The following PTPRD variants were observed in gnomAD, a reference collection of about 807,000 sequenced individuals.
PTPRD encodes protein tyrosine phosphatase receptor type D.
In PTPRD, 34 loss-of-function variants were observed where a neutral mutation model predicts 214.5. The observed-to-expected ratio is 0.16, with a 90% CI of 0.12 to 0.21. PTPRD has a LOEUF of 0.21. Among genes scored for constraint, PTPRD ranks in the 10% least tolerant of loss-of-function variants. The pLI, the probability that PTPRD is intolerant of heterozygous loss-of-function variation, is 1.00. For missense variants in PTPRD, 2,545 were observed against 2,398.7 expected, an observed-to-expected ratio of 1.06 and a Z score of -1.27; for synonymous variants, 1,128 against 845.7, an observed-to-expected ratio of 1.33 and a Z score of -5.79.
chr9:10,516,983 A>G (rs1723168778), intron 2 of PTPRD, among the ~76,000 whole-genome samples: 1 of 151,852 alleles, frequency 6.6e-6, no homozygotes, highest in Non-Finnish European at 1.5e-5. Context: ...GCTTTGTCAT[A>G]TATTTTGAAA....
intron 4 of PTPRD, among the ~76,000 whole-genome samples, chr9:10,028,355 G>C (rs1368394545): frequency 6.6e-6 from 1 of 152,166 alleles, no homozygotes; most frequent in Non-Finnish European, 1.5e-5. Flanking sequence ...ATTGGTACCA[G>C]TAGAGTGGAG....
chr9:8,544,359 G>A (rs1463913297), intron 14 of PTPRD, among the ~76,000 whole-genome samples: 1 of 151,522 alleles, frequency 6.6e-6, no homozygotes, highest in Non-Finnish European at 1.5e-5. Context: ...TGGGATTACA[G>A]GCATGAGCCA....
rs551475490 is a variant in PTPRD at position 8,993,096 on chromosome 9, G to C, written c.-104+25601C>G. ...ATAATCTTATCTCAGAAATCAATCAGAGGAAGAATAATTATGTTTTATGTC... is the reference window on the plus strand; with the variant it reads ...ATAATCTTATCTCAGAAATCAATCACAGGAAGAATAATTATGTTTTATGTC... On this transcript the variant is annotated intron_variant, in intron 11 of 45. Transcript: ENST00000381196. Among the ~76,000 whole-genome samples, 103 of 152,260 alleles carry C rather than the reference G, an allele frequency of 6.8e-4. 1 individual carries two copies. Among genetic ancestry groups the C allele is most frequent in the African/African-American group, 2.5e-3 (102 of 41,562 alleles).
At chr9:9,181,410 A>G (rs2099928121) in intron 10 of PTPRD, among the ~76,000 whole-genome samples, 1 of 151,894 alleles carries the variant, frequency 6.6e-6, no homozygotes, top group Non-Finnish European at 1.5e-5. Flanking sequence ...CTGCTAAAAT[A>G]TGCTGCCTGT....
chr9:8,404,282 C>T (rs895375395), intron 36 of PTPRD, among the ~76,000 whole-genome samples: 10 of 152,210 alleles, frequency 6.6e-5, no homozygotes, highest in African/African-American at 2.4e-4. Flanking sequence ...GCGCCCACCA[C>T]CATGCCCGGC....
intron 11 of PTPRD, among the ~76,000 whole-genome samples, chr9:8,746,203 G>A (rs1273084765): frequency 6.6e-6 from 1 of 152,030 alleles, no homozygotes; most frequent in Non-Finnish European, 1.5e-5. Context: ...TATACAGTCT[G>A]GTTATCTCAG....
At chr9:9,274,716 T>A (rs903384302) in intron 9 of PTPRD, among the ~76,000 whole-genome samples, 1 of 151,254 alleles carries the variant, frequency 6.6e-6, no homozygotes, top group African/African-American at 2.4e-5. Flanking sequence ...GTAGAATAAT[T>A]GGTGTCTTAA....
intron 35 of PTPRD, among the ~76,000 whole-genome samples, chr9:8,423,031 G>T (rs552644998): frequency 1.3e-5 from 2 of 152,190 alleles, no homozygotes; most frequent in Non-Finnish European, 2.9e-5. Flanking sequence ...ACCTAAGCCT[G>T]CAGGGATGGG....
intron 5 of PTPRD, among the ~76,000 whole-genome samples, chr9:9,894,368 G>A (rs547340037): frequency 6.6e-6 from 1 of 152,154 alleles, no homozygotes; most frequent in Admixed American, 6.6e-5. Context: ...AAGGCCCTGT[G>A]TGATCTTTCT....
chr9:10,107,476 G>A (rs955072704), intron 3 of PTPRD, among the ~76,000 whole-genome samples: 7 of 151,982 alleles, frequency 4.6e-5, no homozygotes, highest in African/African-American at 7.2e-5. Context: ...AGAGTTTATT[G>A]ATTAACTTTG....
chr9:8,923,042 T>G (rs988811043), intron 11 of PTPRD, among the ~76,000 whole-genome samples: 2 of 13,756 alleles, frequency 1.5e-4, no homozygotes, highest in African/African-American at 1.1e-3. Flanking sequence ...TTTGTCTGTC[T>G]TTTTTTTTGT....
intron 11 of PTPRD, among the ~76,000 whole-genome samples, chr9:8,852,745 C>A (rs2097844904): frequency 6.6e-6 from 1 of 152,126 alleles, no homozygotes; most frequent in Non-Finnish European, 1.5e-5. Flanking sequence ...GTTAAAAAGC[C>A]ATCAAAAAGC....
intron 39 of PTPRD, among the ~76,000 whole-genome samples, chr9:8,353,209 T>A (rs12343245): frequency 0.017 from 2,652 of 152,304 alleles, 87 homozygotes; most frequent in African/African-American, 0.06. Context: ...TGTTTCATTT[T>A]GTCCTTTTGT....
intron 9 of PTPRD, among the ~76,000 whole-genome samples, chr9:9,292,260 T>C (rs1281616240): frequency 6.6e-6 from 1 of 151,320 alleles, no homozygotes; most frequent in African/African-American, 2.4e-5. Context: ...GAAGCATAAC[T>C]GGTTCTTTAT....
chr9:9,950,088 T>A (rs186875660), intron 4 of PTPRD, among the ~76,000 whole-genome samples: 92 of 152,280 alleles, frequency 6.0e-4, no homozygotes, highest in Non-Finnish European at 9.3e-4. Flanking sequence ...ATTTCCTGTA[T>A]CACGTCAGGT....
intron 10 of PTPRD, among the ~76,000 whole-genome samples, chr9:9,113,698 T>A (rs1014843834): frequency 2.6e-5 from 4 of 152,142 alleles, no homozygotes; most frequent in African/African-American, 9.7e-5. Context: ...GGGTAACATG[T>A]AGGATGATGC....
At chr9:9,066,247 A>C (rs983861832) in intron 10 of PTPRD, among the ~76,000 whole-genome samples, 2 of 142,582 alleles carry the variant, frequency 1.4e-5, no homozygotes, top group Non-Finnish European at 3.1e-5. Flanking sequence ...GATCGGTGTT[A>C]CTTCTTATGT....
chr9:9,310,544 G>A (rs995865400), intron 9 of PTPRD, among the ~76,000 whole-genome samples: 1 of 152,142 alleles, frequency 6.6e-6, no homozygotes, highest in Non-Finnish European at 1.5e-5. Flanking sequence ...TGAAAAGGCA[G>A]AAAGAAATAC....
chr9:9,417,400 G>A lies in PTPRD; in HGVS notation c.-236-19918C>T, dbSNP rs2077309151. On this transcript the variant is annotated intron_variant, in intron 8 of 45. Transcript: ENST00000381196. ...AACAGATTCAAGTAAAAACCTTAGAGGTTTGTGTTCTATCACAAGCATACT... is the reference window on the plus strand; with the variant it reads ...AACAGATTCAAGTAAAAACCTTAGAAGTTTGTGTTCTATCACAAGCATACT... 3.3e-5 allele frequency among the ~76,000 whole-genome samples: 5 copies of A among 152,052 alleles called. No homozygotes were observed. The South Asian group carries it at 1.0e-3, about 31-fold the overall frequency.
Sources: gnomAD v4.1 joint callset for allele counts (sites outside exome capture counted in the v4.1 genomes callset) on GRCh38, gnomAD v4.1.1 for gene constraint, MANE v1.5 for transcripts, NCBI Gene and HGNC (gene_info 2026-07-23, HGNC 2026-07-21) for gene names.